CDH12: variants seen among roughly 807,000 people sequenced by gnomAD.
CDH12 encodes the protein cadherin-12.
Under a neutral mutation model 74.1 loss-of-function variants are expected in CDH12, and 41 were observed. The ratio of observed to expected loss-of-function variants is 0.55; its 90% confidence interval spans 0.43 to 0.72. The LOEUF (loss-of-function observed/expected upper bound fraction) is 0.72. Among genes scored for constraint, CDH12 ranks in the 30% least tolerant of loss-of-function variants. The pLI, the probability that CDH12 is intolerant of heterozygous loss-of-function variation, is 0.00. For synonymous variants in CDH12, 399 were observed against 355.0 expected, an observed-to-expected ratio of 1.12 and a Z score of -1.39; for missense variants, 945 against 977.2, an observed-to-expected ratio of 0.97 and a Z score of 0.44.
At chr5:22,091,430 A>T (rs1743429960) in intron 4 of CDH12, among the ~76,000 whole-genome samples, 1 of 151,568 alleles carries the variant, frequency 6.6e-6, no homozygotes, top group African/African-American at 2.4e-5. Flanking sequence ...ATGGCACTGA[A>T]AATTGAATTA....
intron 3 of CDH12, among the ~76,000 whole-genome samples, chr5:22,214,402 G>A (rs1313302831): frequency 2.0e-5 from 3 of 152,192 alleles, no homozygotes; most frequent in African/African-American, 7.2e-5. Flanking sequence ...ATTGGCATGA[G>A]AGTGTTATAG....
chr5:22,073,345 A>G (rs1742086232), intron 5 of CDH12, among the ~76,000 whole-genome samples: 1 of 152,154 alleles, frequency 6.6e-6, no homozygotes, highest in African/African-American at 2.4e-5. Context: ...CGGGGATAAA[A>G]GAGGCAGCAT....
intron 3 of CDH12, among the ~76,000 whole-genome samples, chr5:22,335,249 T>C (rs1349009039): frequency 2.6e-5 from 4 of 152,150 alleles, no homozygotes. Flanking sequence ...CCACATGTTG[T>C]GGGAGGGACC....
chr5:21,837,185 A>G lies in CDH12; in HGVS notation c.814+4976T>C, dbSNP rs1027993375. 6.6e-5 allele frequency among the ~76,000 whole-genome samples: 10 copies of G among 151,970 alleles called. 1 individual carries two copies. Among genetic ancestry groups the G allele is most frequent in the African/African-American group, 2.4e-4 (10 of 41,308 alleles). ...CAACTCACTTTCTGTAGTGCATGAC[A>G]CACAGTGATTTATTAGTCTAGATCC... On this transcript the variant is annotated intron_variant, in intron 8 of 14. Transcript: ENST00000382254.
chr5:22,472,516 A>G (rs983489517), intron 2 of CDH12, among the ~76,000 whole-genome samples: 3 of 152,164 alleles, frequency 2.0e-5, no homozygotes, highest in African/African-American at 7.2e-5. Context: ...AATGGTTGCT[A>G]GACGTGTTAA....
intron 1 of CDH12, among the ~76,000 whole-genome samples, chr5:22,602,336 G>A (rs1042536731): frequency 1.1e-4 from 17 of 152,088 alleles, no homozygotes; most frequent in Admixed American, 5.2e-4. Flanking sequence ...GTTTAACCAC[G>A]TGAAATAAAA....
intron 1 of CDH12, among the ~76,000 whole-genome samples, chr5:22,739,536 C>A (rs1399515300): frequency 6.6e-6 from 1 of 151,956 alleles, no homozygotes; most frequent in Non-Finnish European, 1.5e-5. Flanking sequence ...GATTTCTGTA[C>A]AGTAGTCTAC....
At chr5:22,598,656 G>C (rs1161319169) in intron 1 of CDH12, among the ~76,000 whole-genome samples, 1 of 152,138 alleles carries the variant, frequency 6.6e-6, no homozygotes, top group Non-Finnish European at 1.5e-5. Flanking sequence ...GATAAAGCTT[G>C]CTTATAATCT....
intron 3 of CDH12, among the ~76,000 whole-genome samples, chr5:22,310,337 C>G (rs1169075787): frequency 6.6e-6 from 1 of 151,804 alleles, no homozygotes; most frequent in Non-Finnish European, 1.5e-5. Flanking sequence ...TGGCAGACAC[C>G]TGTAATCCCA....
intron 1 of CDH12, among the ~76,000 whole-genome samples, chr5:22,716,707 C>T (rs949685214): frequency 1.3e-5 from 2 of 151,516 alleles, no homozygotes; most frequent in Non-Finnish European, 1.5e-5. Flanking sequence ...CTTTATTGGC[C>T]CTGAAGACCT....
intron 3 of CDH12, among the ~76,000 whole-genome samples, chr5:22,298,425 A>T (rs904071815): frequency 3.3e-5 from 5 of 151,950 alleles, no homozygotes; most frequent in African/African-American, 1.2e-4. Context: ...ATCTAAGCAA[A>T]CCTCTAATTT....
At chr5:22,768,293 A>C (rs1746626723) in intron 1 of CDH12, among the ~76,000 whole-genome samples, 1 of 152,124 alleles carries the variant, frequency 6.6e-6, no homozygotes, top group South Asian at 2.1e-4. Context: ...CATGGAAACT[A>C]AATATGTGTT....
chr5:22,023,434 A>T (rs767250498), intron 5 of CDH12, among the ~76,000 whole-genome samples: 1 of 152,130 alleles, frequency 6.6e-6, no homozygotes, highest in Non-Finnish European at 1.5e-5. Context: ...TTTGATATGT[A>T]TCCTGTGATG....
intron 10 of CDH12, among the ~76,000 whole-genome samples, chr5:21,789,573 A>G (rs1746380161): frequency 6.6e-6 from 1 of 152,148 alleles, no homozygotes; most frequent in South Asian, 2.1e-4. Context: ...GTGTGTCTAT[A>G]GATCGCATCC....
intron 3 of CDH12, among the ~76,000 whole-genome samples, chr5:22,221,703 C>T (rs1170343187): frequency 1.3e-5 from 2 of 151,814 alleles, no homozygotes; most frequent in Non-Finnish European, 2.9e-5. Context: ...TACCCCCATC[C>T]CCCATGTCCT....
In CDH12 at chr5:22,098,247, C is replaced by T. The variant is rs554159919; in HGVS notation, c.-186-19385G>A. The stretch of plus-strand genomic sequence containing the variant: ...CATTACTTCAGTCAAGCCCAAATTT[C>T]TTCCTCATCTGTTACCTATCTCAGC... On this transcript the variant is annotated intron_variant, in intron 4 of 14. Transcript: ENST00000382254. 3.7e-4 allele frequency among the ~76,000 whole-genome samples: 56 copies of T among 152,296 alleles called. No homozygotes were observed. In the South Asian group the frequency reaches 0.011, roughly 31 times the overall value.
chr5:22,246,686 A>T (rs144565333), intron 3 of CDH12, among the ~76,000 whole-genome samples: 3 of 152,328 alleles, frequency 2.0e-5, no homozygotes, highest in African/African-American at 7.2e-5. Context: ...GTGATTCTCA[A>T]CAGGGCTTCA....
chr5:22,363,707 A>G (rs555084172), intron 3 of CDH12, among the ~76,000 whole-genome samples: 1 of 152,272 alleles, frequency 6.6e-6, no homozygotes, highest in Admixed American at 6.5e-5. Flanking sequence ...TGAAACAAGA[A>G]TCTCATAGAT....
At chr5:22,314,761 C>T (rs1738540322) in intron 3 of CDH12, among the ~76,000 whole-genome samples, 1 of 150,578 alleles carries the variant, frequency 6.6e-6, no homozygotes, top group South Asian at 2.1e-4. Flanking sequence ...ATAGAAATCC[C>T]GAAAACATAC....
Sources: gnomAD v4.1 joint callset for allele counts (sites outside exome capture counted in the v4.1 genomes callset) on GRCh38, gnomAD v4.1.1 for gene constraint, MANE v1.5 for transcripts, NCBI Gene and HGNC (gene_info 2026-07-23, HGNC 2026-07-21) for gene names.